The following NEO1 variants were observed in gnomAD, a reference collection of about 807,000 sequenced individuals.
NEO1 encodes the protein neogenin.
NEO1 carries 63 observed loss-of-function variants against 159.7 expected under a neutral mutation model. The ratio of observed to expected loss-of-function variants is 0.39; its 90% CI spans 0.32 to 0.49. NEO1 has a LOEUF of 0.49. Ranked by LOEUF, NEO1 falls within the 20% of genes least tolerant of loss-of-function variation. The pLI is 0.85. For missense variants in NEO1, 1,615 were observed against 1,831.0 expected (o/e 0.88, Z 2.15); for synonymous variants, 633 against 662.0 (o/e 0.96, Z 0.67).
chr15:73,257,205 C>CT (rs1341280930), intron 13 of NEO1, among the ~76,000 whole-genome samples: 15 of 135,098 alleles, frequency 1.1e-4, no homozygotes, highest in Admixed American at 3.9e-4. Context: ...ATTTGTAAGG[C>CT]TTTTCATTTT....
chr15:73,061,038 A>C (rs2067952831), intron 1 of NEO1, among the ~76,000 whole-genome samples: 1 of 152,204 alleles, frequency 6.6e-6, no homozygotes, highest in Non-Finnish European at 1.5e-5. Context: ...GGAATAAGAG[A>C]AATAATTTTC....
intron 1 of NEO1, among the ~76,000 whole-genome samples, chr15:73,090,007 A>G (rs1436614525): frequency 6.6e-6 from 1 of 152,110 alleles, no homozygotes; most frequent in East Asian, 1.9e-4. Context: ...TTTTACTCTC[A>G]GATGTGTCCT....
intron 1 of NEO1, among the ~76,000 whole-genome samples, chr15:73,102,946 C>T (rs974152769): frequency 6.6e-6 from 1 of 152,174 alleles, no homozygotes; most frequent in African/African-American, 2.4e-5. Flanking sequence ...ATTTAGCCAT[C>T]GTCCAAGCTA....
chr15:73,090,429 G>C (rs1385989499), intron 1 of NEO1, among the ~76,000 whole-genome samples: 1 of 152,138 alleles, frequency 6.6e-6, no homozygotes, highest in African/African-American at 2.4e-5. Flanking sequence ...AGAGACAGGA[G>C]TTAAAAATGT....
chr15:73,190,444 T>A (rs755803473), intron 7 of NEO1, among the ~76,000 whole-genome samples: 2 of 152,170 alleles, frequency 1.3e-5, no homozygotes, highest in African/African-American at 4.8e-5. Context: ...ACTGCTGGGA[T>A]GTTATGGCCA....
chr15:73,285,982 A>G (rs1036013286), intron 23 of NEO1, among the ~76,000 whole-genome samples: 4 of 151,958 alleles, frequency 2.6e-5, no homozygotes, highest in African/African-American at 9.7e-5. Flanking sequence ...AGCATAGCTG[A>G]CCTCTTACTC....
At chr15:73,123,293 T>A (rs1174013770) in intron 3 of NEO1, among the ~76,000 whole-genome samples, 2 of 152,198 alleles carry the variant, frequency 1.3e-5, no homozygotes, top group Non-Finnish European at 2.9e-5. Flanking sequence ...TTATTAAAAA[T>A]TTATCAAGCA....
chr15:73,052,525 G>A lies in NEO1; in HGVS notation c.-151G>A, dbSNP rs930771699. 293 of 291,758 alleles carry A rather than the reference G, an allele frequency of 1.0e-3. 3 individuals are homozygous for A. Among genetic ancestry groups the A allele is most frequent in the Middle Eastern group, 3.5e-3 (3 of 866 alleles). 18.1% of individuals were successfully genotyped at this position (291,758 alleles called of 1,614,324 possible). On this transcript the variant is annotated 5_prime_UTR_variant, in exon 1 of 29. Transcript: ENST00000261908. ...AGTCTCCCCTCCAGCGAGAGGGGCT[G>A]CGCGGGCCGGGCCGGGCCGGGCTGG... is the stretch of plus-strand genomic sequence containing the variant.
Position 73,122,896 on chromosome 15 carries a change from G to A in NEO1, c.724+96G>A, listed in dbSNP as rs868360770. On this transcript the variant is annotated intron_variant, in intron 3 of 28. Coordinates refer to ENST00000261908, the MANE Select transcript of NEO1 (RefSeq NM_002499.4). ...TAAAAATAATGAATGTTGGCCGGGCGCAGTGGCTCACACCTGTAATCCCAG... is the reference window on the plus strand; with the variant it reads ...TAAAAATAATGAATGTTGGCCGGGCACAGTGGCTCACACCTGTAATCCCAG... 9.0e-6 allele frequency: 13 copies of A among 1,449,444 alleles called. No homozygotes were observed. In the East Asian group the frequency reaches 1.1e-4, roughly 13 times the overall value. The allele number at this position is 1,449,444 out of a possible 1,614,324, so 89.8% of individuals were successfully genotyped here.
At chr15:73,233,185 A>C (rs532933875) in intron 7 of NEO1, among the ~76,000 whole-genome samples, 5 of 152,276 alleles carry the variant, frequency 3.3e-5, no homozygotes, top group Admixed American at 1.3e-4. Context: ...CTCAGCTAGG[A>C]TATGGAACAG....
chr15:73,238,517 TAA>T (rs2039322706), intron 8 of NEO1, among the ~76,000 whole-genome samples: 1 of 151,526 alleles, frequency 6.6e-6, no homozygotes, highest in Admixed American at 6.6e-5. Context: ...GTGGGAAAAA[TAA>T]AAGTTATGTC....
At chr15:73,276,686 T>C (rs1014062872) in intron 21 of NEO1, among the ~76,000 whole-genome samples, 1 of 152,256 alleles carries the variant, frequency 6.6e-6, no homozygotes, top group Non-Finnish European at 1.5e-5. Flanking sequence ...GGATTTATTC[T>C]GTTAGATGAA....
At chr15:73,092,771 TAC>T (rs1205378646) in intron 1 of NEO1, among the ~76,000 whole-genome samples, 2 of 152,196 alleles carry the variant, frequency 1.3e-5, no homozygotes, top group Non-Finnish European at 2.9e-5. Flanking sequence ...TACAGAAAAT[TAC>T]AGTTAGTGCA....
chr15:73,069,217 C>T (rs1332007947), intron 1 of NEO1, among the ~76,000 whole-genome samples: 3 of 150,382 alleles, frequency 2.0e-5, no homozygotes, highest in Non-Finnish European at 4.4e-5. Context: ...CCTTCTTGGC[C>T]TCCCAAAGTG....
intron 4 of NEO1, among the ~76,000 whole-genome samples, chr15:73,130,811 CA>C (rs567060334): frequency 2.1e-3 from 316 of 152,344 alleles, no homozygotes; most frequent in Non-Finnish European, 3.9e-3. Flanking sequence ...AGCGGAGAGT[CA>C]AAGCTTTACC....
chr15:73,114,549 A>G (rs959041105), intron 1 of NEO1, among the ~76,000 whole-genome samples: 4 of 152,186 alleles, frequency 2.6e-5, no homozygotes, highest in African/African-American at 7.2e-5. Flanking sequence ...TTTCAAACAC[A>G]TATACTTTTT....
intron 15 of NEO1, among the ~76,000 whole-genome samples, chr15:73,262,942 CTG>C (rs1382774195): frequency 1.3e-5 from 2 of 152,040 alleles, no homozygotes; most frequent in African/African-American, 4.8e-5. Flanking sequence ...ACGTCAAACA[CTG>C]TTATATTTTG....
intron 5 of NEO1, among the ~76,000 whole-genome samples, chr15:73,167,992 T>C (rs1410288948): frequency 6.6e-6 from 1 of 152,082 alleles, no homozygotes; most frequent in Non-Finnish European, 1.5e-5. Context: ...AAGAGTGGAC[T>C]TAGGAGAAAC....
At position 73,052,555 on chromosome 15, in the gene NEO1, G is replaced by T; in HGVS notation, c.-121G>T. ...GGCCGGGCCGGGCCGGGCTGGGCTG[G>T]AGCAGCGGCGGCCGCGGGAGCCGAG... On this transcript the variant is annotated 5_prime_UTR_variant, in exon 1 of 29. Transcript: ENST00000261908. 1 of 493,448 alleles carries T rather than the reference G, an allele frequency of 2.0e-6. No homozygotes were observed. The highest frequency in any genetic ancestry group is 2.9e-6 in the Non-Finnish European group (1 of 345,046). The allele number at this position is 493,448 out of a possible 1,614,324, so 30.6% of individuals were successfully genotyped here. A position where few individuals can be genotyped will look rare whatever the true frequency, so the allele number is the denominator to read the frequency against.
Sources: allele counts gnomAD v4.1 joint callset (sites outside exome capture counted in the v4.1 genomes callset), GRCh38; gene constraint gnomAD v4.1.1; transcripts MANE v1.5; gene names NCBI Gene and HGNC (gene_info 2026-07-23, HGNC 2026-07-21).